Variants in NALCN observed in about 807,000 individuals in gnomAD.
NALCN encodes the protein sodium leak channel, non-selective.
NALCN carries 111 observed loss-of-function variants against 225.3 expected under a neutral mutation model. The ratio of observed to expected loss-of-function variants is 0.49; its 90% CI spans 0.42 to 0.58. The LOEUF is 0.58. NALCN is among the 20% of genes least tolerant of loss of function. The pLI is 0.00. For missense variants in NALCN, 1,378 were observed against 2,202.4 expected (o/e 0.63, Z 7.49); for synonymous variants, 764 against 769.0 (o/e 0.99, Z 0.11).
At chr13:101,172,231 C>T (rs890059613) in intron 15 of NALCN, among the ~76,000 whole-genome samples, 6 of 152,144 alleles carry the variant, frequency 3.9e-5, no homozygotes, top group East Asian at 1.9e-4. Context: ...ATCATGCAGC[C>T]CATGCCTGCC....
At chr13:101,161,467 T>A (rs1326087685) in intron 15 of NALCN, among the ~76,000 whole-genome samples, 1 of 152,212 alleles carries the variant, frequency 6.6e-6, no homozygotes, top group African/African-American at 2.4e-5. Context: ...TGTCTTTAAA[T>A]CCAACCTATC....
intron 12 of NALCN, among the ~76,000 whole-genome samples, chr13:101,234,096 T>C (rs928690583): frequency 1.8e-4 from 27 of 152,198 alleles, no homozygotes; most frequent in African/African-American, 5.5e-4. Flanking sequence ...TATGAACAAC[T>C]AATCTAAAAT....
Position 101,064,731 on chromosome 13 carries a change from C to G in NALCN, c.4604+673G>C, listed in dbSNP as rs577139390. On this transcript the variant is annotated intron_variant, in intron 40 of 43. Coordinates refer to ENST00000251127, the MANE Select transcript of NALCN (RefSeq NM_052867.4). ...CACAGGCCTCAGAAGGAATCAGCCCCGCAATACCTCCATCTCGGGCTTCCA... is the reference window on the plus strand; with the variant it reads ...CACAGGCCTCAGAAGGAATCAGCCCGGCAATACCTCCATCTCGGGCTTCCA... Among the ~76,000 whole-genome samples the G allele has an allele frequency of 9.9e-5, 15 of 152,212 alleles. No homozygotes were observed. In the South Asian group the frequency reaches 3.1e-3, roughly 32 times the overall value.
At chr13:101,268,786 G>A (rs1214015633) in intron 10 of NALCN, among the ~76,000 whole-genome samples, 1 of 152,072 alleles carries the variant, frequency 6.6e-6, no homozygotes, top group Admixed American at 6.5e-5. Context: ...TAAAACATGG[G>A]AAATTTTCTT....
At chr13:101,354,522 A>G (rs2045994057) in intron 6 of NALCN, among the ~76,000 whole-genome samples, 1 of 152,164 alleles carries the variant, frequency 6.6e-6, no homozygotes, top group African/African-American at 2.4e-5. Flanking sequence ...ACTGGAAACT[A>G]CAGGGTGAGA....
chr13:101,387,240 A>AT (rs1185471467), intron 3 of NALCN, among the ~76,000 whole-genome samples: 7 of 149,578 alleles, frequency 4.7e-5, no homozygotes, highest in African/African-American at 1.5e-4. Context: ...AAAAAAAAAA[A>AT]AAAAAAAAAA....
intron 7 of NALCN, among the ~76,000 whole-genome samples, chr13:101,343,856 T>C (rs1195338735): frequency 1.3e-5 from 2 of 152,202 alleles, no homozygotes; most frequent in Non-Finnish European, 2.9e-5. Flanking sequence ...ATTTTGAATT[T>C]GGGTACAATT....
intron 6 of NALCN, among the ~76,000 whole-genome samples, chr13:101,375,562 G>A (rs1490382447): frequency 3.3e-5 from 5 of 152,076 alleles, no homozygotes; most frequent in African/African-American, 1.2e-4. Flanking sequence ...TACCCAATTG[G>A]TTTGTAAGTA....
At chr13:101,392,686 C>G (rs1040625450) in intron 3 of NALCN, among the ~76,000 whole-genome samples, 1 of 152,032 alleles carries the variant, frequency 6.6e-6, no homozygotes, top group African/African-American at 2.4e-5. Flanking sequence ...TAAGTAAAAG[C>G]AACTAGGGCA....
intron 7 of NALCN, among the ~76,000 whole-genome samples, chr13:101,310,107 C>T (rs540941670): frequency 1.4e-4 from 21 of 152,278 alleles, no homozygotes; most frequent in African/African-American, 5.1e-4. Flanking sequence ...AAGCCACTGC[C>T]ATCTCTCGCC....
At chr13:101,134,274 T>C (rs2036658522) in intron 17 of NALCN, among the ~76,000 whole-genome samples, 1 of 152,240 alleles carries the variant, frequency 6.6e-6, no homozygotes, top group Non-Finnish European at 1.5e-5. Flanking sequence ...AAAATATTCA[T>C]ATAAACATGC....
intron 18 of NALCN, among the ~76,000 whole-genome samples, chr13:101,115,538 C>T (rs2035665712): frequency 6.6e-6 from 1 of 152,130 alleles, no homozygotes; most frequent in Non-Finnish European, 1.5e-5. Flanking sequence ...GAGATGCATA[C>T]ATCCTTAAAG....
chr13:101,119,590 C>A (rs527737302), intron 18 of NALCN, among the ~76,000 whole-genome samples: 1 of 152,190 alleles, frequency 6.6e-6, no homozygotes, highest in Non-Finnish European at 1.5e-5. Context: ...AACGATAATG[C>A]ATTTTTTGCT....
At chr13:101,233,543 T>C (rs1317519709) in intron 12 of NALCN, among the ~76,000 whole-genome samples, 1 of 152,006 alleles carries the variant, frequency 6.6e-6, no homozygotes, top group Non-Finnish European at 1.5e-5. Flanking sequence ...GGTTTCACCA[T>C]GTTAGCCGGG....
rs993195541 is a variant in NALCN, at chr13:101,100,784, C to T, written c.3162G>A (p.Arg1054=). 6.2e-7 allele frequency: 1 copy of T among 1,602,888 alleles called. No homozygotes were observed. The highest frequency in any genetic ancestry group is 1.7e-4 in the Middle Eastern group (1 of 5,998). The change falls in exon 27 of 44, where the codon AGG becomes AGA. Residue 1054 remains arginine (R), a splice_region_variant and synonymous_variant. Coordinates refer to ENST00000251127, the MANE Select transcript of NALCN (RefSeq NM_052867.4). ...CAAAAGACAGAAAGATACATCTTAC[C>T]CTTCTAATAATGTTGGGATCATTGC... ...AKCNDPNIIR[R]EDCNGIFRIN...
At chr13:101,394,725 T>A (rs2047234627) in intron 3 of NALCN, among the ~76,000 whole-genome samples, 1 of 152,224 alleles carries the variant, frequency 6.6e-6, no homozygotes, top group Admixed American at 6.5e-5. Flanking sequence ...TGTCCTTTTT[T>A]TTTTATCCTT....
chr13:101,285,861 C>A (rs182225275), intron 9 of NALCN, among the ~76,000 whole-genome samples: 1 of 152,116 alleles, frequency 6.6e-6, no homozygotes, highest in African/African-American at 2.4e-5. Context: ...TTGCCAGTCA[C>A]CAGTTATTAA....
At chr13:101,327,820 C>CA (rs1290349757) in intron 7 of NALCN, among the ~76,000 whole-genome samples, 1 of 152,054 alleles carries the variant, frequency 6.6e-6, no homozygotes, top group Non-Finnish European at 1.5e-5. Context: ...AAGATAGAAT[C>CA]AAAAAAGAAG....
intron 7 of NALCN, among the ~76,000 whole-genome samples, chr13:101,331,041 T>C (rs2045150570): frequency 6.6e-6 from 1 of 152,180 alleles, no homozygotes; most frequent in Non-Finnish European, 1.5e-5. Context: ...AATATATTCT[T>C]TAAGCCACAA....
Sources: gnomAD v4.1 joint callset for allele counts (sites outside exome capture counted in the v4.1 genomes callset) on GRCh38, gnomAD v4.1.1 for gene constraint, MANE v1.5 for transcripts, NCBI Gene and HGNC (gene_info 2026-07-23, HGNC 2026-07-21) for gene names.